TMEM178B: variants seen among roughly 807,000 people sequenced by gnomAD.
TMEM178B encodes transmembrane protein 178B.
A neutral mutation model predicts 31.0 loss-of-function variants in TMEM178B; 5 were observed. That is an observed-to-expected ratio of 0.16 (90% CI 0.08 to 0.34). The LOEUF (loss-of-function observed/expected upper bound fraction) is 0.34, where lower values mean the gene tolerates loss of function less well. TMEM178B is among the 10% of genes least tolerant of loss of function. The probability of loss-of-function intolerance (pLI) is 1.00; values close to 1 mark genes in which losing one functional copy is unlikely to be tolerated. For missense variants in TMEM178B, 275 were observed against 400.3 expected (o/e 0.69, Z 2.67); for synonymous variants, 164 against 164.0 (o/e 1.00, Z 0.00).
At chr7:141,395,591 G>A (rs972293011) in intron 2 of TMEM178B, among the ~76,000 whole-genome samples, 1 of 152,300 alleles carries the variant, frequency 6.6e-6, no homozygotes, top group Non-Finnish European at 1.5e-5. Flanking sequence ...GCAGCCTAGT[G>A]ACATCAGAGG....
intron 1 of TMEM178B, among the ~76,000 whole-genome samples, chr7:141,105,849 G>C (rs56205854): frequency 0.33 from 49,923 of 151,876 alleles, 9,242 homozygotes; most frequent in African/African-American, 0.5. Context: ...AATCCCAGCT[G>C]TTTGGGAGGC....
At chr7:141,430,474 G>A (rs558766172) in intron 2 of TMEM178B, among the ~76,000 whole-genome samples, 4 of 152,284 alleles carry the variant, frequency 2.6e-5, no homozygotes, top group East Asian at 3.9e-4. Context: ...AGTAGGTATT[G>A]TCATAACCTT....
chr7:141,228,789 G>T (rs1425631679), intron 2 of TMEM178B, among the ~76,000 whole-genome samples: 2 of 152,108 alleles, frequency 1.3e-5, no homozygotes, highest in Non-Finnish European at 2.9e-5. Context: ...CCATCCTGGT[G>T]GGGTGTGGAA....
chr7:141,131,810 A>G (rs1274961775), intron 1 of TMEM178B, among the ~76,000 whole-genome samples: 1 of 152,146 alleles, frequency 6.6e-6, no homozygotes, highest in Non-Finnish European at 1.5e-5. Context: ...TCTTGGGTAA[A>G]TTCCTAAAAG....
chr7:141,395,499 A>C (rs1800621732), intron 2 of TMEM178B, among the ~76,000 whole-genome samples: 2 of 152,144 alleles, frequency 1.3e-5, no homozygotes, highest in African/African-American at 4.8e-5. Flanking sequence ...CAGTTTCCAG[A>C]GTTTCCTTGT....
At chr7:141,288,555 C>T (rs556528421) in intron 2 of TMEM178B, among the ~76,000 whole-genome samples, 1 of 152,018 alleles carries the variant, frequency 6.6e-6, no homozygotes, top group African/African-American at 2.4e-5. Context: ...TTGTGTTATC[C>T]CCTCTGGCAT....
chr7:141,287,010 C>G (rs183083759), intron 2 of TMEM178B, among the ~76,000 whole-genome samples: 58 of 152,254 alleles, frequency 3.8e-4, no homozygotes, highest in Middle Eastern at 3.4e-3. Flanking sequence ...TTCTGAGGAT[C>G]CTTGGGAGAA....
At chr7:141,428,372 AAAAAAAAAAAAAG>A (rs891237378) in intron 2 of TMEM178B, among the ~76,000 whole-genome samples, 2 of 139,562 alleles carry the variant, frequency 1.4e-5, no homozygotes, top group African/African-American at 2.8e-5. Flanking sequence ...CCACCTCAAA[AAAAAAAAAAAAAG>A]AAAAAAAGAA....
intron 1 of TMEM178B, among the ~76,000 whole-genome samples, chr7:141,212,329 G>A (rs1362824146): frequency 6.6e-6 from 1 of 152,202 alleles, no homozygotes; most frequent in African/African-American, 2.4e-5. Flanking sequence ...GGGAATGTTA[G>A]ACAAGCTGCT....
chr7:141,454,856 G>A (rs1368357626), intron 3 of TMEM178B, among the ~76,000 whole-genome samples: 1 of 152,112 alleles, frequency 6.6e-6, no homozygotes, highest in Non-Finnish European at 1.5e-5. Context: ...ATTAGAGTTT[G>A]AATTCAGAAG....
intron 2 of TMEM178B, among the ~76,000 whole-genome samples, chr7:141,425,370 C>G (rs761783273): frequency 6.6e-6 from 1 of 152,180 alleles, no homozygotes; most frequent in Non-Finnish European, 1.5e-5. Flanking sequence ...GCACTCTGCA[C>G]AGCTCTCAGT....
At chr7:141,175,800 A>G (rs1796424249) in intron 1 of TMEM178B, among the ~76,000 whole-genome samples, 1 of 152,184 alleles carries the variant, frequency 6.6e-6, no homozygotes, top group Non-Finnish European at 1.5e-5. Flanking sequence ...ATTTTTGTAC[A>G]TTGATTTGTA....
chr7:141,480,584 G>T (rs935998336), downstream of TMEM178B, among the ~76,000 whole-genome samples: 5 of 152,280 alleles, frequency 3.3e-5, no homozygotes, highest in African/African-American at 1.2e-4. Flanking sequence ...TGCTTCGCAT[G>T]TTGGGTGGAA....
At chr7:141,286,218 G>A (rs1226441613) in intron 2 of TMEM178B, among the ~76,000 whole-genome samples, 1 of 152,076 alleles carries the variant, frequency 6.6e-6, no homozygotes, top group African/African-American at 2.4e-5. Context: ...CAGAACATAT[G>A]CATTTTTACT....
chr7:141,418,598 T>C (rs531778261), intron 2 of TMEM178B, among the ~76,000 whole-genome samples: 3 of 152,198 alleles, frequency 2.0e-5, no homozygotes, highest in African/African-American at 7.2e-5. Flanking sequence ...CCTACACTTT[T>C]AGGTCATCTG....
chr7:141,504,823 C>A, the TMEM178B span, among the ~76,000 whole-genome samples: 1 of 152,212 alleles, frequency 6.6e-6, no homozygotes, highest in Admixed American at 6.5e-5. Flanking sequence ...ACAAAACAAT[C>A]TTTCTTAAAT....
At chr7:141,201,867 A>C (rs1796883637) in intron 1 of TMEM178B, among the ~76,000 whole-genome samples, 1 of 152,168 alleles carries the variant, frequency 6.6e-6, no homozygotes, top group Admixed American at 6.5e-5. Flanking sequence ...CAAATGGAAA[A>C]GTTTTACTTT....
chr7:141,147,834 A>G (rs1795879923), intron 1 of TMEM178B, among the ~76,000 whole-genome samples: 1 of 152,170 alleles, frequency 6.6e-6, no homozygotes, highest in African/African-American at 2.4e-5. Context: ...TGGATGTAGA[A>G]GTCTGAACTT....
At chr7:141,486,042 A>G in the TMEM178B span, among the ~76,000 whole-genome samples, 2 of 152,242 alleles carry the variant, frequency 1.3e-5, no homozygotes, top group Non-Finnish European at 2.9e-5. Flanking sequence ...GTGGTGGTGC[A>G]TATACCCAAC....
Sources: gnomAD v4.1 joint callset for allele counts (sites outside exome capture counted in the v4.1 genomes callset) on GRCh38, gnomAD v4.1.1 for gene constraint, MANE v1.5 for transcripts, NCBI Gene and HGNC (gene_info 2026-07-23, HGNC 2026-07-21) for gene names.